SDC2: variants seen among roughly 807,000 people sequenced by gnomAD.
SDC2 encodes syndecan-2.
In SDC2, 13 loss-of-function variants were observed where a neutral mutation model predicts 22.2. The ratio of observed to expected loss-of-function variants is 0.59; its 90% CI spans 0.38 to 0.93. The LOEUF (loss-of-function observed/expected upper bound fraction) is 0.93. Ranked by LOEUF, SDC2 falls within the 40% of genes least tolerant of loss-of-function variation. The probability of loss-of-function intolerance (pLI) is 0.00; values close to 1 mark genes in which losing one functional copy is unlikely to be tolerated. For missense variants in SDC2, 235 were observed against 246.8 expected (o/e 0.95, Z 0.32); for synonymous variants, 94 against 92.8 (o/e 1.01, Z -0.07).
At chr8:96,559,523 A>AC (rs1288886920) in intron 1 of SDC2, among the ~76,000 whole-genome samples, 1 of 152,174 alleles carries the variant, frequency 6.6e-6, no homozygotes, top group Non-Finnish European at 1.5e-5. Flanking sequence ...GTTCATGAGT[A>AC]CTTCTCATGA....
At chr8:96,516,844 G>A (rs1187018727) in intron 1 of SDC2, among the ~76,000 whole-genome samples, 3 of 152,128 alleles carry the variant, frequency 2.0e-5, no homozygotes, top group Non-Finnish European at 4.4e-5. Context: ...GGACATTTGG[G>A]TTGTTTCAAC....
At chr8:96,519,586 C>G (rs987773638) in intron 1 of SDC2, among the ~76,000 whole-genome samples, 8 of 151,924 alleles carry the variant, frequency 5.3e-5, no homozygotes, top group Non-Finnish European at 1.5e-5. Flanking sequence ...GGGGAAAAAT[C>G]CTAAATTTAC....
intron 1 of SDC2, chr8:96,580,492 G>A (rs2130603819): frequency 1.0e-6 from 1 of 985,342 alleles, no homozygotes. Context: ...TCTTACATGT[G>A]AGCATCATGA....
rs532037659 is a variant in SDC2 at position 96,547,906 on chromosome 8, C to T, written c.61-45574C>T. ...CCTCCCAAGTAGCTGGAACTACAGG[C>T]GCACACCACCACACCTGGCTAATTT... On this transcript the variant is annotated intron_variant, in intron 1 of 4. Transcript: ENST00000302190. Among the ~76,000 whole-genome samples, 34 of 151,922 alleles carry T rather than the reference C, an allele frequency of 2.2e-4. No individual in the cohort carries two copies. The East Asian group carries it at 3.5e-3, about 16-fold the overall frequency.
chr8:96,569,902 G>A (rs998403895), intron 1 of SDC2, among the ~76,000 whole-genome samples: 1 of 152,170 alleles, frequency 6.6e-6, no homozygotes, highest in African/African-American at 2.4e-5. Flanking sequence ...GTGAGCACAT[G>A]TGCTCTCTGG....
intron 1 of SDC2, among the ~76,000 whole-genome samples, chr8:96,589,474 G>A (rs565815370): frequency 6.6e-5 from 10 of 152,206 alleles, no homozygotes; most frequent in Admixed American, 3.9e-4. Context: ...GTACAGTGGC[G>A]CAGTCTTGGC....
chr8:96,599,620 T>A (rs1306620629), intron 2 of SDC2, among the ~76,000 whole-genome samples: 1 of 152,178 alleles, frequency 6.6e-6, no homozygotes, highest in Non-Finnish European at 1.5e-5. Flanking sequence ...TATATGTACC[T>A]TCGTGGGTTA....
intron 1 of SDC2, among the ~76,000 whole-genome samples, chr8:96,514,637 G>T (rs1813375288): frequency 6.6e-6 from 1 of 152,106 alleles, no homozygotes; most frequent in South Asian, 2.1e-4. Flanking sequence ...CTGGTTTCAT[G>T]GGAGACAGTT....
Position 96,538,330 on chromosome 8 carries a change from T to G in SDC2, c.60+43999T>G, listed in dbSNP as rs1424448775. 3.3e-5 allele frequency among the ~76,000 whole-genome samples: 5 copies of G among 152,116 alleles called. No individual in the cohort carries two copies. In the South Asian group the frequency reaches 6.2e-4, roughly 19 times the overall value. On this transcript the variant is annotated intron_variant, in intron 1 of 4. Coordinates refer to ENST00000302190, the MANE Select transcript of SDC2 (RefSeq NM_002998.4). ...TATACTATACAAATAACAAAGTCAA[T>G]ATGAAAATGTGTCAAAAATATGAAT...
At chr8:96,538,018 A>G (rs577784745) in intron 1 of SDC2, among the ~76,000 whole-genome samples, 1 of 152,290 alleles carries the variant, frequency 6.6e-6, no homozygotes, top group East Asian at 1.9e-4. Flanking sequence ...GCTGGAGTGC[A>G]GTAGTGCAAT....
chr8:96,555,526 C>T (rs1251063192), intron 1 of SDC2, among the ~76,000 whole-genome samples: 1 of 152,008 alleles, frequency 6.6e-6, no homozygotes, highest in Non-Finnish European at 1.5e-5. Context: ...TGCTGGAAGC[C>T]GCCAGGTCAA....
intron 1 of SDC2, among the ~76,000 whole-genome samples, chr8:96,518,821 C>G (rs188059582): frequency 4.2e-4 from 64 of 152,280 alleles, no homozygotes; most frequent in African/African-American, 1.5e-3. Flanking sequence ...TGGTTCACCT[C>G]CTAAGCTGTT....
At chr8:96,595,922 A>G (rs977798032) in intron 2 of SDC2, among the ~76,000 whole-genome samples, 9 of 152,234 alleles carry the variant, frequency 5.9e-5, no homozygotes, top group African/African-American at 2.2e-4. Flanking sequence ...TAGGCAGATC[A>G]CTGCTGTGAA....
chr8:96,540,509 C>A (rs1417391210), intron 1 of SDC2, among the ~76,000 whole-genome samples: 32 of 133,378 alleles, frequency 2.4e-4, no homozygotes, highest in African/African-American at 3.6e-4. Context: ...ACCCCGCCTC[C>A]AAAAAAAAAA....
chr8:96,538,854 G>T (rs1813798841), intron 1 of SDC2: 1 of 97,910 alleles, frequency 1.0e-5, no homozygotes, highest in Non-Finnish European at 2.9e-5. Context: ...AGCCTTACCT[G>T]TCCACTAATC....
intron 1 of SDC2, among the ~76,000 whole-genome samples, chr8:96,506,913 G>A (rs1014855298): frequency 6.6e-6 from 1 of 151,828 alleles, no homozygotes; most frequent in African/African-American, 2.4e-5. Flanking sequence ...GGAGGCTGAG[G>A]TGGGAGTATG....
intron 1 of SDC2, among the ~76,000 whole-genome samples, chr8:96,563,452 A>T (rs973606147): frequency 7.9e-5 from 12 of 152,186 alleles, no homozygotes; most frequent in African/African-American, 4.8e-5. Flanking sequence ...CATTTCCTAT[A>T]AATATCTTGT....
chr8:96,548,463 GT>G (rs1259448283), intron 1 of SDC2, among the ~76,000 whole-genome samples: 1 of 152,174 alleles, frequency 6.6e-6, no homozygotes, highest in Admixed American at 6.5e-5. Context: ...ATTTCAAAAT[GT>G]TTCCCCAGAC....
At chr8:96,530,268 T>G (rs1274901757) in intron 1 of SDC2, among the ~76,000 whole-genome samples, 1 of 152,212 alleles carries the variant, frequency 6.6e-6, no homozygotes, top group Non-Finnish European at 1.5e-5. Flanking sequence ...TTGGAATGAT[T>G]AATAGCTATG....
Sources: gnomAD v4.1 joint callset for allele counts (sites outside exome capture counted in the v4.1 genomes callset) on GRCh38, gnomAD v4.1.1 for gene constraint, MANE v1.5 for transcripts, NCBI Gene and HGNC (gene_info 2026-07-23, HGNC 2026-07-21) for gene names.